Variants in AGPAT4 observed in about 807,000 individuals in gnomAD.
AGPAT4 encodes the protein 1-acyl-sn-glycerol-3-phosphate acyltransferase delta.
A neutral mutation model predicts 48.0 loss-of-function variants in AGPAT4; 15 were observed. The observed-to-expected ratio is 0.31, with a 90% confidence interval of 0.21 to 0.48. AGPAT4 has a LOEUF of 0.48. Among genes scored for constraint, AGPAT4 ranks in the 20% least tolerant of loss-of-function variants. AGPAT4 has a pLI of 0.99. For synonymous variants in AGPAT4, 178 were observed against 198.7 expected, an observed-to-expected ratio of 0.90 and a Z score of 0.88; for missense variants, 314 against 482.5, an observed-to-expected ratio of 0.65 and a Z score of 3.27.
At position 161,261,259 on chromosome 6, in the gene AGPAT4, A is replaced by G. The variant is rs1237520987; in HGVS notation, c.-90+12679T>C. 6.6e-6 allele frequency among the ~76,000 whole-genome samples: 1 copy of G among 152,078 alleles called. No individual in the cohort carries two copies. Among genetic ancestry groups the G allele is most frequent in the Non-Finnish European group, 1.5e-5 (1 of 68,022 alleles). The stretch of plus-strand genomic sequence containing the variant: ...TCACTGTCACAGAATGTGGCCACTT[A>G]CTGACTGCACGAGTCCATGAGACAA... On this transcript the variant is annotated intron_variant, in intron 1 of 8. Transcript: ENST00000320285. This position sits in a 1 kb window ranked among gnomAD's most constrained non-coding sequence, Gnocchi z 5.3.
At chr6:161,247,878 A>C (rs1186669369) in intron 1 of AGPAT4, among the ~76,000 whole-genome samples, 1 of 150,420 alleles carries the variant, frequency 6.6e-6, no homozygotes, top group African/African-American at 2.4e-5. Context: ...GCTACTCAGA[A>C]GGCTGAGGCA....
Position 161,156,570 on chromosome 6 carries a change from G to A in AGPAT4, c.349-2260C>T, listed in dbSNP as rs1779774723. Reference sequence around the variant, plus strand: ...TTTAAAAGATCTGGAACAAAGGTGAGTCTATAGCATTATTATGACTTTATG... The same window carrying A: ...TTTAAAAGATCTGGAACAAAGGTGAATCTATAGCATTATTATGACTTTATG... On this transcript the variant is annotated intron_variant, in intron 3 of 8. Transcript: ENST00000320285. Among the ~76,000 whole-genome samples, 3 of 152,230 alleles carry A rather than the reference G, an allele frequency of 2.0e-5. No individual in the cohort carries two copies. The South Asian group carries it at 6.2e-4, about 32-fold the overall frequency.
chr6:161,172,624 T>C (rs1780298124), intron 2 of AGPAT4, among the ~76,000 whole-genome samples: 1 of 151,432 alleles, frequency 6.6e-6, no homozygotes, highest in African/African-American at 2.4e-5. Flanking sequence ...TTTGAAACTT[T>C]TGTCATATTT....
At chr6:161,167,946 C>T (rs984400560) in intron 2 of AGPAT4, among the ~76,000 whole-genome samples, 2 of 152,172 alleles carry the variant, frequency 1.3e-5, no homozygotes, top group South Asian at 4.1e-4. Context: ...CGACGAAAAC[C>T]ACTCCCCTTC....
Position 161,148,164 on chromosome 6 carries a change from C to G in AGPAT4, c.767+1023G>C, listed in dbSNP as rs1167832365. 2.0e-5 allele frequency among the ~76,000 whole-genome samples: 3 copies of G among 152,198 alleles called. No homozygotes were observed. Among genetic ancestry groups the G allele is most frequent in the African/African-American group, 7.2e-5 (3 of 41,456 alleles). ...ATGGGGAATAAAACCTCACTTTACT[C>G]CTAGGAGAAGGTCTAAAGGTCTCCT... On this transcript the variant is annotated intron_variant, in intron 6 of 8. Coordinates refer to ENST00000320285, the MANE Select transcript of AGPAT4 (RefSeq NM_020133.3). This position sits in a 1 kb window ranked among gnomAD's most constrained non-coding sequence, Gnocchi z 5.5.
chr6:161,141,843 C>T lies in AGPAT4; in HGVS notation c.844-2223G>A, dbSNP rs1779260592. Among the ~76,000 whole-genome samples, 1 of 152,116 alleles carries T rather than the reference C, an allele frequency of 6.6e-6. No individual in the cohort carries two copies. The highest frequency in any genetic ancestry group is 6.6e-5 in the Admixed American group (1 of 15,264). On this transcript the variant is annotated intron_variant, in intron 7 of 8. Coordinates refer to ENST00000320285, the MANE Select transcript of AGPAT4 (RefSeq NM_020133.3). This position sits in a 1 kb window ranked among gnomAD's most constrained non-coding sequence, Gnocchi z 6.7. ...AAGCACTCCCTTTTCTAGGAGCTTC[C>T]CAACTCAGAACTTCCCATTCACTTT...
At chr6:161,187,204 C>T (rs1040702841) in intron 2 of AGPAT4, among the ~76,000 whole-genome samples, 2 of 152,206 alleles carry the variant, frequency 1.3e-5, no homozygotes, top group African/African-American at 4.8e-5. Context: ...ACCTTTTTCC[C>T]GGAACCTCTT....
At position 161,243,288 on chromosome 6, in the gene AGPAT4, C is replaced by T. The variant is rs894285922; in HGVS notation, c.-89-10986G>A. ...CCAAAGTAGGGAAATGGCCCAAGACCCGGCCCTGGGCCGGCAGAAGCAGGC... is the reference window on the plus strand; with the variant it reads ...CCAAAGTAGGGAAATGGCCCAAGACTCGGCCCTGGGCCGGCAGAAGCAGGC... On this transcript the variant is annotated intron_variant, in intron 1 of 8. Transcript: ENST00000320285. The surrounding 1 kb of genome is among the most constrained non-coding windows in gnomAD (Gnocchi z 4.8). Among the ~76,000 whole-genome samples the T allele has an allele frequency of 1.3e-5, 2 of 152,066 alleles. No individual in the cohort carries two copies. The highest frequency in any genetic ancestry group is 2.9e-5 in the Non-Finnish European group (2 of 68,004).
intron 2 of AGPAT4, among the ~76,000 whole-genome samples, chr6:161,209,134 T>G (rs1781457312): frequency 6.6e-6 from 1 of 152,194 alleles, no homozygotes; most frequent in African/African-American, 2.4e-5. Flanking sequence ...GAATGAGGCA[T>G]TCCTCATCGA....
chr6:161,166,068 ATAAGAAGCTGT>A lies in AGPAT4; in HGVS notation c.348+169_348+179del. 1 of 773,486 alleles carries A rather than the reference ATAAGAAGCTGT, an allele frequency of 1.3e-6. No homozygotes were observed. The highest frequency in any genetic ancestry group is 2.1e-6 in the Non-Finnish European group (1 of 479,346). The allele number at this position is 773,486 out of a possible 1,614,324, so 47.9% of individuals were successfully genotyped here. A position where few individuals can be genotyped will look rare whatever the true frequency, so the allele number is the denominator to read the frequency against. On this transcript the variant is annotated intron_variant, in intron 3 of 8. Coordinates refer to ENST00000320285, the MANE Select transcript of AGPAT4 (RefSeq NM_020133.3). The surrounding 1 kb of genome is among the most constrained non-coding windows in gnomAD (Gnocchi z 6.7). ...TGTTGAGTACCTCTTATGATTGCCC[ATAAGAAGCTGT>A]TAAGACTGACTCCCAGCAAGAATAA... is the stretch of plus-strand genomic sequence containing the variant.
Position 161,202,825 on chromosome 6 carries a change from A to C in AGPAT4, c.178+29211T>G, listed in dbSNP as rs1351617267. Among the ~76,000 whole-genome samples the C allele has an allele frequency of 6.6e-6, 1 of 152,184 alleles. No homozygotes were observed. The highest frequency in any genetic ancestry group is 1.5e-5 in the Non-Finnish European group (1 of 68,026). On this transcript the variant is annotated intron_variant, in intron 2 of 8. Transcript: ENST00000320285. The surrounding 1 kb of genome is among the most constrained non-coding windows in gnomAD (Gnocchi z 5.4). ...GGGGACACTGACTTTTGGAGCCCTA[A>C]ACTACCAGCTAAGAAATGCTACTGC...
chr6:161,268,871 A>T (rs905671042), intron 1 of AGPAT4, among the ~76,000 whole-genome samples: 2 of 152,174 alleles, frequency 1.3e-5, no homozygotes, highest in Non-Finnish European at 2.9e-5. Context: ...ACACAGAGAA[A>T]GTGCTGCAAC....
chr6:161,268,413 T>A (rs1249582731), intron 1 of AGPAT4, among the ~76,000 whole-genome samples: 4 of 152,218 alleles, frequency 2.6e-5, no homozygotes, highest in Non-Finnish European at 5.9e-5. Flanking sequence ...GCGTGTGCCA[T>A]GATGGTTTGC....
intron 1 of AGPAT4, among the ~76,000 whole-genome samples, chr6:161,257,601 TA>T (rs1782977386): frequency 6.6e-6 from 1 of 152,172 alleles, no homozygotes; most frequent in African/African-American, 2.4e-5. Context: ...ATTAAAAAAT[TA>T]AATGAAGACA....
In AGPAT4 at chr6:161,220,526, C is replaced by T. The variant is rs192455791; in HGVS notation, c.178+11510G>A. Among the ~76,000 whole-genome samples the T allele has an allele frequency of 1.2e-4, 18 of 152,228 alleles. No individual in the cohort carries two copies. Among genetic ancestry groups the T allele is most frequent in the Admixed American group, 4.6e-4 (7 of 15,300 alleles). ...GTGAGATGACTTCATTTTATAGTTC[C>T]TCAAGCAGAGCAAGTAGAGGAACCA... is the stretch of plus-strand genomic sequence containing the variant. On this transcript the variant is annotated intron_variant, in intron 2 of 8. Coordinates refer to ENST00000320285, the MANE Select transcript of AGPAT4 (RefSeq NM_020133.3). This position sits in a 1 kb window ranked among gnomAD's most constrained non-coding sequence, Gnocchi z 6.0.
intron 2 of AGPAT4, among the ~76,000 whole-genome samples, chr6:161,174,574 CA>C (rs1780375510): frequency 2.0e-5 from 3 of 152,272 alleles, no homozygotes; most frequent in Admixed American, 2.0e-4. Context: ...TCTAAATATA[CA>C]ATCATGTCAT....
At position 161,238,087 on chromosome 6, in the gene AGPAT4, T is replaced by TG. The variant is rs1334546638; in HGVS notation, c.-89-5786dup. On this transcript the variant is annotated intron_variant, in intron 1 of 8. Coordinates refer to ENST00000320285, the MANE Select transcript of AGPAT4 (RefSeq NM_020133.3). This position sits in a 1 kb window ranked among gnomAD's most constrained non-coding sequence, Gnocchi z 5.2. ...GGGGGTGGGGGGGTAATGGGGGGGTTGGGGGGCGGGAGGCAGAATGCAGCA... is the reference window on the plus strand; with the variant it reads ...GGGGGTGGGGGGGTAATGGGGGGGTTGGGGGGGCGGGAGGCAGAATGCAGCA... Among the ~76,000 whole-genome samples, 10 of 3,082 alleles carry TG rather than the reference T, an allele frequency of 3.2e-3. No individual in the cohort carries two copies. The highest frequency in any genetic ancestry group is 0.012 in the African/African-American group (9 of 750). 2.0% of individuals were successfully genotyped at this position (3,082 alleles called of 152,430 possible). A position where few individuals can be genotyped will look rare whatever the true frequency, so the allele number is the denominator to read the frequency against.
At position 161,202,484 on chromosome 6, in the gene AGPAT4, T is replaced by C. The variant is rs1781262588; in HGVS notation, c.178+29552A>G. Among the ~76,000 whole-genome samples the C allele has an allele frequency of 6.6e-6, 1 of 152,112 alleles. No homozygotes were observed. The highest frequency in any genetic ancestry group is 2.4e-5 in the African/African-American group (1 of 41,422). ...AGTTACAAAGCACCATTTATGTCAC[T>C]TAGTTGAAGAGAAGAGAGTTACTAG... On this transcript the variant is annotated intron_variant, in intron 2 of 8. Transcript: ENST00000320285. The surrounding 1 kb of genome is among the most constrained non-coding windows in gnomAD (Gnocchi z 5.4).
rs1782064121 is a variant in AGPAT4, at chr6:161,229,365, G to A, written c.178+2671C>T. Among the ~76,000 whole-genome samples the A allele has an allele frequency of 6.6e-6, 1 of 152,170 alleles. No individual in the cohort carries two copies. Among genetic ancestry groups the A allele is most frequent in the African/African-American group, 2.4e-5 (1 of 41,432 alleles). On this transcript the variant is annotated intron_variant, in intron 2 of 8. Transcript: ENST00000320285. The surrounding 1 kb of genome is among the most constrained non-coding windows in gnomAD (Gnocchi z 6.0). The stretch of plus-strand genomic sequence containing the variant: ...TATCTTAACTCAGAGGGAAGCAGAG[G>A]AGAGTTACAGCATAGACGCTGCAGA...
Sources: gnomAD v4.1 joint callset for allele counts (sites outside exome capture counted in the v4.1 genomes callset) on GRCh38, gnomAD v4.1.1 for gene constraint, Gnocchi (gnomAD v3.1) non-coding constraint, MANE v1.5 for transcripts, NCBI Gene and HGNC (gene_info 2026-07-23, HGNC 2026-07-21) for gene names.